MAPRE2: variants seen among roughly 807,000 people sequenced by gnomAD.
MAPRE2 encodes the protein microtubule-associated protein RP/EB family member 2.
MAPRE2 carries 13 observed loss-of-function variants against 43.2 expected under a neutral mutation model. The ratio of observed to expected loss-of-function variants is 0.30; its 90% CI spans 0.20 to 0.48. The LOEUF (loss-of-function observed/expected upper bound fraction) is 0.48. Among genes scored for constraint, MAPRE2 ranks in the 20% least tolerant of loss-of-function variants. MAPRE2 has a pLI of 0.99. For missense variants in MAPRE2, 161 were observed against 400.2 expected, an observed-to-expected ratio of 0.40 and a Z score of 5.10; for synonymous variants, 135 against 148.8, an observed-to-expected ratio of 0.91 and a Z score of 0.68.
chr18:35,097,391 T>C, intron 2 of MAPRE2, 55 bp from the exon 3 acceptor site: 1 of 1,559,016 alleles, frequency 6.4e-7, no homozygotes, highest in Non-Finnish European at 8.8e-7. Flanking sequence ...AGCAGTCCTC[T>C]ACCACATCTG....
intron 4 of MAPRE2, among the ~76,000 whole-genome samples, chr18:35,104,736 G>A (rs115769013): frequency 0.013 from 1,916 of 152,202 alleles, 38 homozygotes; most frequent in African/African-American, 0.044. Flanking sequence ...TTCAACTTTT[G>A]TCAGCAGTTT....
chr18:35,012,831 T>C (rs937811504), intron 2 of MAPRE2, among the ~76,000 whole-genome samples: 3 of 152,194 alleles, frequency 2.0e-5, no homozygotes, highest in African/African-American at 7.2e-5. Context: ...GTGGTGATGG[T>C]TGAACAAGAA....
intron 4 of MAPRE2, among the ~76,000 whole-genome samples, chr18:35,120,582 A>G (rs1450887503): frequency 6.6e-6 from 1 of 152,210 alleles, no homozygotes; most frequent in Non-Finnish European, 1.5e-5. Context: ...TTGAATTTGC[A>G]GTAATCAGAA....
chr18:35,084,724 G>A (rs985081433), intron 2 of MAPRE2, among the ~76,000 whole-genome samples: 3 of 152,184 alleles, frequency 2.0e-5, no homozygotes, highest in Non-Finnish European at 4.4e-5. Flanking sequence ...CTCTACATGG[G>A]ATCAGTTTGA....
intron 1 of MAPRE2, among the ~76,000 whole-genome samples, chr18:35,047,996 T>C (rs551621682): frequency 3.3e-5 from 5 of 152,346 alleles, no homozygotes; most frequent in African/African-American, 1.2e-4. Context: ...TGGAAGAATC[T>C]GATTTTAGCA....
intron 1 of MAPRE2, among the ~76,000 whole-genome samples, chr18:34,986,673 G>T (rs928611942): frequency 1.3e-5 from 2 of 152,152 alleles, no homozygotes; most frequent in Non-Finnish European, 2.9e-5. Flanking sequence ...CTCTACAGTT[G>T]AAATGTTTAG....
chr18:35,026,122 A>G (rs927595960), intron 2 of MAPRE2, among the ~76,000 whole-genome samples: 1 of 152,196 alleles, frequency 6.6e-6, no homozygotes, highest in African/African-American at 2.4e-5. Flanking sequence ...CTCATGAGGT[A>G]GGTGAGAGGA....
chr18:35,052,385 G>A (rs1000151397), intron 1 of MAPRE2, among the ~76,000 whole-genome samples: 1 of 152,128 alleles, frequency 6.6e-6, no homozygotes, highest in Non-Finnish European at 1.5e-5. Context: ...ATCCATATGG[G>A]ATGTCTCAGT....
chr18:34,985,320 A>AATATAT (rs2097019440), intron 1 of MAPRE2, among the ~76,000 whole-genome samples: 23 of 41,202 alleles, frequency 5.6e-4, no homozygotes, highest in Admixed American at 1.0e-3. Flanking sequence ...ATTATATTAT[A>AATATAT]TATATAATAT....
intron 2 of MAPRE2, among the ~76,000 whole-genome samples, chr18:35,020,063 A>AC (rs2046795270): frequency 6.6e-6 from 1 of 152,016 alleles, no homozygotes; most frequent in Admixed American, 6.6e-5. Flanking sequence ...GATTTTCAGC[A>AC]CCCCTTACCT....
At chr18:35,077,328 A>T (rs1001068666) in intron 2 of MAPRE2, among the ~76,000 whole-genome samples, 7 of 151,884 alleles carry the variant, frequency 4.6e-5, no homozygotes, top group Non-Finnish European at 8.8e-5. Context: ...GGAATCTCAT[A>T]TTTTTTTCCC....
intron 3 of MAPRE2, among the ~76,000 whole-genome samples, chr18:35,101,123 T>C (rs1442329919): frequency 6.6e-6 from 1 of 152,232 alleles, no homozygotes; most frequent in East Asian, 1.9e-4. Context: ...GAGAGACGTT[T>C]TGAGGATAAA....
In MAPRE2 at chr18:34,991,094, C is replaced by T. The variant is rs138021165; in HGVS notation, c.-70+14015C>T. On this transcript the variant is annotated intron_variant, in intron 1 of 7. Coordinates refer to the MAPRE2 transcript ENST00000413393. ...TGGTATATTGCATGATGCTGAGGTT[C>T]GAGGTACAACTGAACACATCACCCT... 1.7e-3 allele frequency among the ~76,000 whole-genome samples: 252 copies of T among 152,158 alleles called. 4 individuals carry two copies. Among genetic ancestry groups the T allele is most frequent in the African/African-American group, 5.4e-3 (225 of 41,502 alleles).
intron 2 of MAPRE2, among the ~76,000 whole-genome samples, chr18:35,093,081 G>A (rs1375134889): frequency 6.6e-6 from 1 of 151,752 alleles, no homozygotes; most frequent in Non-Finnish European, 1.5e-5. Flanking sequence ...GCATGCTGGC[G>A]GGTGCCTGTA....
intron 4 of MAPRE2, among the ~76,000 whole-genome samples, chr18:35,109,786 T>A (rs1278046273): frequency 6.6e-6 from 1 of 152,278 alleles, no homozygotes; most frequent in East Asian, 1.9e-4. Flanking sequence ...TACTGTTTAA[T>A]TGGAGTGTCC....
chr18:35,027,656 T>G (rs2097045954), intron 2 of MAPRE2, among the ~76,000 whole-genome samples: 1 of 152,204 alleles, frequency 6.6e-6, no homozygotes, highest in Non-Finnish European at 1.5e-5. Flanking sequence ...CCACCAAGTT[T>G]AGAGTCACAA....
chr18:35,034,599 C>T (rs1290219095), intron 2 of MAPRE2, among the ~76,000 whole-genome samples: 17 of 152,126 alleles, frequency 1.1e-4, no homozygotes, highest in Non-Finnish European at 1.8e-4. Flanking sequence ...AGAAAATTTT[C>T]GCAACCTATT....
chr18:35,111,579 G>C (rs1020665339), intron 4 of MAPRE2, among the ~76,000 whole-genome samples: 3 of 152,186 alleles, frequency 2.0e-5, no homozygotes, highest in Admixed American at 2.0e-4. Flanking sequence ...GAGTTAACAG[G>C]CACTTAACTC....
Position 35,115,730 on chromosome 18 carries a change from C to T in MAPRE2, c.611-11218C>T, listed in dbSNP as rs1046764621. Among the ~76,000 whole-genome samples the T allele has an allele frequency of 1.4e-4, 21 of 152,222 alleles. No homozygotes were observed. The East Asian group carries it at 1.5e-3, about 11-fold the overall frequency. ...TCCTTTTTATGGCTGAGTAGTATTC[C>T]GTGATGTATATATACCACATTCTCT... On this transcript the variant is annotated intron_variant, in intron 4 of 6. Transcript: ENST00000300249.
Sources: allele counts gnomAD v4.1 joint callset (sites outside exome capture counted in the v4.1 genomes callset), GRCh38; gene constraint gnomAD v4.1.1; transcripts MANE v1.5; gene names NCBI Gene and HGNC (gene_info 2026-07-23, HGNC 2026-07-21).